Variants in CFAP54 observed in about 807,000 individuals in gnomAD.
The protein encoded by CFAP54 is cilia and flagella associated protein 54.
CFAP54 carries 290 observed loss-of-function variants against 370.4 expected under a neutral mutation model. The observed-to-expected ratio is 0.78, with a 90% confidence interval of 0.71 to 0.86. The LOEUF is 0.86. Ranked by LOEUF, CFAP54 falls within the 40% of genes least tolerant of loss-of-function variation. CFAP54 has a pLI of 0.00. For synonymous variants in CFAP54, 1,206 were observed against 1,236.5 expected (o/e 0.98, Z 0.52); for missense variants, 3,399 against 3,528.7 (o/e 0.96, Z 0.93).
intron 65 of CFAP54, among the ~76,000 whole-genome samples, chr12:96,827,055 GA>G (rs1959124979): frequency 7.3e-6 from 1 of 137,442 alleles, no homozygotes; most frequent in South Asian, 2.3e-4. Flanking sequence ...AATTATATGT[GA>G]TTATATATAA....
intron 66 of CFAP54, among the ~76,000 whole-genome samples, chr12:96,836,646 C>T (rs75144666): frequency 0.063 from 9,519 of 152,108 alleles, 485 homozygotes; most frequent in Non-Finnish European, 0.092. Flanking sequence ...TTCTCAAGCT[C>T]CTGTTGAACA....
At chr12:96,545,411 CA>C (rs1955628307) in intron 14 of CFAP54, among the ~76,000 whole-genome samples, 1 of 151,930 alleles carries the variant, frequency 6.6e-6, no homozygotes, top group African/African-American at 2.4e-5. Flanking sequence ...AAAAAAGATA[CA>C]AAACTCTGAA....
chr12:96,758,048 A>G (rs567536112), intron 58 of CFAP54, among the ~76,000 whole-genome samples: 1 of 152,200 alleles, frequency 6.6e-6, no homozygotes, highest in Non-Finnish European at 1.5e-5. Flanking sequence ...TCACGTATCT[A>G]TTGAGCATCT....
At chr12:96,817,664 C>T in intron 64 of CFAP54, 111 bp from the exon 65 acceptor site, 1 of 472,210 alleles carries the variant, frequency 2.1e-6, no homozygotes, top group Non-Finnish European at 3.4e-6. Context: ...TCGTGATCCA[C>T]CCGCCTCGGC....
chr12:96,708,869 C>A (rs1957576861), intron 48 of CFAP54, 66 bp downstream of exon 48: 12 of 1,249,300 alleles, frequency 9.6e-6, no homozygotes, highest in Non-Finnish European at 1.2e-5. Context: ...TCCCAGCCCC[C>A]ACTAATCTAT....
intron 55 of CFAP54, among the ~76,000 whole-genome samples, chr12:96,753,136 G>C (rs1416639402): frequency 6.6e-6 from 1 of 152,132 alleles, no homozygotes; most frequent in Non-Finnish European, 1.5e-5. Flanking sequence ...ATGTCTGCCT[G>C]TCTGGCTCTG....
In CFAP54 at chr12:96,608,622, C is replaced by T. The variant is rs546950428; in HGVS notation, c.3639+9855C>T. 3.0e-3 allele frequency among the ~76,000 whole-genome samples: 460 copies of T among 151,950 alleles called. 4 individuals are homozygous for T. The highest frequency in any genetic ancestry group is 6.8e-3 in the Middle Eastern group (2 of 294). ...GATTACAGGCATGCACCACTACGCC[C>T]GCTTAGTTTTTGTATTTTTAGTAGA... is the stretch of plus-strand genomic sequence containing the variant. On this transcript the variant is annotated intron_variant, in intron 26 of 67. Transcript: ENST00000524981.
chr12:96,522,275 CATT>C (rs1955329269), intron 8 of CFAP54, 86 bp downstream of exon 8: 2 of 921,496 alleles, frequency 2.2e-6, no homozygotes, highest in South Asian at 1.8e-5. Context: ...CCTAGTCACT[CATT>C]ATTAAATTCT....
At chr12:96,761,255 G>A (rs942284326) in intron 58 of CFAP54, among the ~76,000 whole-genome samples, 2 of 149,622 alleles carry the variant, frequency 1.3e-5, no homozygotes, top group African/African-American at 4.9e-5. Context: ...TTGGCCATTT[G>A]TGTATCTTCT....
chr12:96,828,158 A>G (rs1295963934), intron 65 of CFAP54, among the ~76,000 whole-genome samples: 5 of 147,652 alleles, frequency 3.4e-5, no homozygotes, highest in Non-Finnish European at 7.4e-5. Flanking sequence ...GGCATAGTTA[A>G]TCTCTGACAA....
At chr12:96,863,457 C>T (rs1408403050) in intron 67 of CFAP54, among the ~76,000 whole-genome samples, 1 of 152,174 alleles carries the variant, frequency 6.6e-6, no homozygotes, top group East Asian at 1.9e-4. Flanking sequence ...AATAACTTGG[C>T]TAACAATCAC....
chr12:96,871,563 A>G (rs1960167870), intron 67 of CFAP54, among the ~76,000 whole-genome samples: 1 of 152,242 alleles, frequency 6.6e-6, no homozygotes, highest in Admixed American at 6.5e-5. Flanking sequence ...TAGGAAAAAA[A>G]CAGTCAACAC....
chr12:96,513,360 G>A (rs949175097), intron 5 of CFAP54, among the ~76,000 whole-genome samples: 45 of 152,184 alleles, frequency 3.0e-4, no homozygotes, highest in Non-Finnish European at 1.8e-4. Context: ...TAGGTAGGGT[G>A]ACCATCCGTC....
Position 96,742,575 on chromosome 12 carries a change from G to C in CFAP54, c.7208G>C (p.Gly2403Ala). 6.2e-7 allele frequency: 1 copy of C among 1,612,028 alleles called. No homozygotes were observed. Reference protein sequence around the residue: ...TAFVAQIHGIGIVKEDDMTDC... With the variant: ...TAFVAQIHGIAIVKEDDMTDC... Reference sequence around the variant, plus strand: ...TTTGTTGCACAGATTCATGGCATTGGAATTGTGAAAGGTACAAACATTTGC... The same window carrying C: ...TTTGTTGCACAGATTCATGGCATTGCAATTGTGAAAGGTACAAACATTTGC... The change falls in exon 52 of 68, where the codon GGA becomes GCA. Residue 2403 changes from glycine to alanine, a missense_variant. By Grantham distance (60) the Gly-to-Ala change is moderately conservative. Coordinates refer to ENST00000524981, the MANE Select transcript of CFAP54 (RefSeq NM_001306084.2).
At chr12:96,693,655 A>AT (rs1957411683) in intron 44 of CFAP54, 67 bp from the exon 45 acceptor site, 1 of 1,059,824 alleles carries the variant, frequency 9.4e-7, no homozygotes, top group Non-Finnish European at 1.4e-6. Context: ...ATTTGGCTAA[A>AT]TTTGATTATT....
chr12:96,585,753 C>CT (rs1333564595), intron 22 of CFAP54, among the ~76,000 whole-genome samples: 1 of 152,222 alleles, frequency 6.6e-6, no homozygotes, highest in Non-Finnish European at 1.5e-5. Flanking sequence ...CCAGCATGGA[C>CT]TTTCCCCAGT....
chr12:96,598,474 A>G (rs75758658), intron 25 of CFAP54, among the ~76,000 whole-genome samples, 171 bp from the exon 26 acceptor site: 4,977 of 152,064 alleles, frequency 0.033, 272 homozygotes, highest in African/African-American at 0.11. Flanking sequence ...AATTGAATGT[A>G]TCAACTTTAT....
intron 61 of CFAP54, among the ~76,000 whole-genome samples, chr12:96,786,459 G>A (rs1399183334): frequency 2.0e-5 from 3 of 152,104 alleles, no homozygotes; most frequent in African/African-American, 7.2e-5. Context: ...GGGATTATAG[G>A]CATAAGCCAC....
chr12:96,803,290 C>T (rs538460145), intron 63 of CFAP54, among the ~76,000 whole-genome samples: 12 of 152,190 alleles, frequency 7.9e-5, no homozygotes, highest in South Asian at 4.2e-4. Context: ...TTACACTGCA[C>T]GAACAGTGTA....
Sources: gnomAD v4.1 joint callset for allele counts (sites outside exome capture counted in the v4.1 genomes callset) on GRCh38, gnomAD v4.1.1 for gene constraint, MANE v1.5 for transcripts, NCBI Gene and HGNC (gene_info 2026-07-23, HGNC 2026-07-21) for gene names.